GRB10: variants seen among roughly 807,000 people sequenced by gnomAD.
The protein encoded by GRB10 is growth factor receptor-bound protein 10.
A neutral mutation model predicts 80.9 loss-of-function variants in GRB10; 20 were observed. The ratio of observed to expected loss-of-function variants is 0.25; its 90% CI spans 0.17 to 0.36. The LOEUF is 0.36. Among genes scored for constraint, GRB10 ranks in the 10% least tolerant of loss-of-function variants. GRB10 has a pLI of 1.00. For synonymous variants in GRB10, 291 were observed against 291.5 expected (o/e 1.00, Z 0.02); for missense variants, 548 against 747.7 (o/e 0.73, Z 3.12).
chr7:50,715,783 A>C (rs1587374272), intron 4 of GRB10, among the ~76,000 whole-genome samples: 2 of 152,348 alleles, frequency 1.3e-5, no homozygotes, highest in East Asian at 3.9e-4. Flanking sequence ...GCCAATATGG[A>C]ATATAAAGGA....
intron 3 of GRB10, among the ~76,000 whole-genome samples, chr7:50,733,566 G>A (rs1007038570): frequency 2.6e-5 from 4 of 152,216 alleles, no homozygotes; most frequent in Non-Finnish European, 4.4e-5. Context: ...GCAGTCAATA[G>A]CAGTGGAAGT....
chr7:50,685,086 C>T (rs965375119), intron 5 of GRB10, among the ~76,000 whole-genome samples: 5 of 152,208 alleles, frequency 3.3e-5, no homozygotes, highest in African/African-American at 1.2e-4. Context: ...TTTACCATCA[C>T]ATCCAATGTT....
At chr7:50,742,623 G>A (rs1239274703) in intron 3 of GRB10, among the ~76,000 whole-genome samples, 1 of 151,772 alleles carries the variant, frequency 6.6e-6, no homozygotes, top group Non-Finnish European at 1.5e-5. Flanking sequence ...TTCTACTGCT[G>A]ACATAGTCCC....
intron 7 of GRB10, among the ~76,000 whole-genome samples, chr7:50,651,377 G>C (rs893673240): frequency 6.6e-6 from 1 of 152,156 alleles, no homozygotes; most frequent in African/African-American, 2.4e-5. Flanking sequence ...TCATTCCTTG[G>C]CTTACAGAAG....
Position 50,606,387 on chromosome 7 carries a change from G to T in GRB10, c.1222C>A (p.Arg408=). Residue 408 remains arginine (R), a synonymous_variant, in exon 14 of 19, where the codon CGA becomes AGA. Transcript: ENST00000401949. ...AAGGCCTTCCTCTGCTGAGGGATTC[G>T]GTAATTCTGGTAAAGGAGCATTCCA... ...KYGMLLYQNY[R]IPQQRKALLS... 1.2e-6 allele frequency: 2 copies of T among 1,614,034 alleles called. No homozygotes were observed. The highest frequency in any genetic ancestry group is 1.7e-6 in the Non-Finnish European group (2 of 1,179,920).
chr7:50,660,890 C>T (rs988298374), intron 7 of GRB10, among the ~76,000 whole-genome samples: 1 of 152,176 alleles, frequency 6.6e-6, no homozygotes, highest in Non-Finnish European at 1.5e-5. Flanking sequence ...GCAGCCAGCA[C>T]CCCTCAGGGT....
intron 7 of GRB10, among the ~76,000 whole-genome samples, chr7:50,648,889 T>A (rs533387684): frequency 1.1e-4 from 17 of 152,312 alleles, no homozygotes; most frequent in African/African-American, 3.6e-4. Context: ...CTCCCAGGCC[T>A]CAGACCTACT....
chr7:50,755,547 C>T (rs2074941308), intron 3 of GRB10, among the ~76,000 whole-genome samples: 1 of 152,130 alleles, frequency 6.6e-6, no homozygotes, highest in African/African-American at 2.4e-5. Flanking sequence ...ACCCAGGAGG[C>T]AGGCAGCATC....
chr7:50,742,660 TA>T (rs1266325092), intron 3 of GRB10, among the ~76,000 whole-genome samples: 3 of 147,716 alleles, frequency 2.0e-5, no homozygotes, highest in African/African-American at 7.6e-5. Context: ...ATTACATCAC[TA>T]GGGGGAAAGG....
chr7:50,665,522 A>G (rs1161740116), intron 7 of GRB10, among the ~76,000 whole-genome samples: 1 of 152,224 alleles, frequency 6.6e-6, no homozygotes, highest in Non-Finnish European at 1.5e-5. Flanking sequence ...TGCTTCCACC[A>G]AGGGTCTGAC....
At chr7:50,652,033 C>A (rs990436130) in intron 7 of GRB10, among the ~76,000 whole-genome samples, 2 of 152,230 alleles carry the variant, frequency 1.3e-5, no homozygotes, top group Non-Finnish European at 2.9e-5. Context: ...ACTGTCCCCA[C>A]TTGGAAGGGC....
At chr7:50,684,806 A>G (rs2061935315) in intron 5 of GRB10, among the ~76,000 whole-genome samples, 1 of 152,252 alleles carries the variant, frequency 6.6e-6, no homozygotes, top group Non-Finnish European at 1.5e-5. Flanking sequence ...TTCCTTAGCC[A>G]TTTGATCTGT....
In GRB10 at chr7:50,698,340, C is replaced by G. The variant is rs574944596; in HGVS notation, c.139+5481G>C. Reference sequence around the variant, plus strand: ...GTAATGGTAATACAGTCAAATTTACCATTTTCCCTTTATGGTTGTGCTAAG... The same window carrying G: ...GTAATGGTAATACAGTCAAATTTACGATTTTCCCTTTATGGTTGTGCTAAG... On this transcript the variant is annotated intron_variant, in intron 5 of 18. Transcript: ENST00000401949. 1.5e-3 allele frequency among the ~76,000 whole-genome samples: 222 copies of G among 152,264 alleles called. 1 individual carries two copies. Among genetic ancestry groups the G allele is most frequent in the Non-Finnish European group, 2.7e-3 (186 of 68,020 alleles).
chr7:50,734,435 G>A (rs1329929991), intron 3 of GRB10, among the ~76,000 whole-genome samples: 2 of 145,300 alleles, frequency 1.4e-5, no homozygotes, highest in African/African-American at 4.9e-5. Flanking sequence ...TGACAGTTCT[G>A]CCACATCCCA....
intron 8 of GRB10, among the ~76,000 whole-genome samples, chr7:50,622,497 A>G (rs1286751098): frequency 6.6e-6 from 1 of 152,184 alleles, no homozygotes; most frequent in African/African-American, 2.4e-5. Context: ...GTTTCAACCT[A>G]ATTCTCAGGA....
intron 13 of GRB10, among the ~76,000 whole-genome samples, chr7:50,612,277 A>C (rs1487878220): frequency 2.0e-5 from 3 of 152,006 alleles, no homozygotes; most frequent in Non-Finnish European, 4.4e-5. Context: ...CCTGGTCCTG[A>C]TTTTTCGAAT....
At chr7:50,753,127 G>A (rs771082255) in intron 3 of GRB10, among the ~76,000 whole-genome samples, 8 of 152,130 alleles carry the variant, frequency 5.3e-5, no homozygotes, top group South Asian at 2.1e-4. Flanking sequence ...GTCACTATAG[G>A]GTCTGGGATT....
chr7:50,790,221 C>T (rs2078854441), intron 1 of GRB10, among the ~76,000 whole-genome samples: 1 of 152,180 alleles, frequency 6.6e-6, no homozygotes. Flanking sequence ...ATGGATCAGA[C>T]CAGTTATACC....
chr7:50,786,848 C>T (rs143775501), upstream of GRB10, among the ~76,000 whole-genome samples: 223 of 152,316 alleles, frequency 1.5e-3, no homozygotes, highest in African/African-American at 5.2e-3. Context: ...GACTCCAAGA[C>T]AACAGCTGTG....
Sources: gnomAD v4.1 joint callset for allele counts (sites outside exome capture counted in the v4.1 genomes callset) on GRCh38, gnomAD v4.1.1 for gene constraint, MANE v1.5 for transcripts, NCBI Gene and HGNC (gene_info 2026-07-23, HGNC 2026-07-21) for gene names.